NAV2: variants seen among roughly 807,000 people sequenced by gnomAD.
NAV2 encodes the protein helicase, APC down-regulated 1.
NAV2 carries 54 observed loss-of-function variants against 223.2 expected under a neutral mutation model. That is an observed-to-expected ratio of 0.24 (90% CI 0.19 to 0.30). The LOEUF (loss-of-function observed/expected upper bound fraction) is 0.30. Among genes scored for constraint, NAV2 ranks in the 10% least tolerant of loss-of-function variants. NAV2 has a pLI of 1.00. For synonymous variants in NAV2, 1,279 were observed against 1,239.3 expected (o/e 1.03, Z -0.67); for missense variants, 2,806 against 3,147.5 (o/e 0.89, Z 2.60).
At chr11:19,452,146 G>A (rs1851811239) in intron 1 of NAV2, among the ~76,000 whole-genome samples, 1 of 121,484 alleles carries the variant, frequency 8.2e-6, no homozygotes, top group Non-Finnish European at 1.8e-5. Flanking sequence ...GTGTGTGTGT[G>A]TGTGTAAAGA....
At chr11:19,580,964 A>G (rs577376927) in intron 1 of NAV2, among the ~76,000 whole-genome samples, 15 of 152,308 alleles carry the variant, frequency 9.8e-5, no homozygotes, top group Admixed American at 9.8e-4. Context: ...ATTTTTCCTA[A>G]GCTGATGAAT....
At position 19,627,948 on chromosome 11, in the gene NAV2, A is replaced by G. The variant is rs561794283; in HGVS notation, c.76-204536A>G. On this transcript the variant is annotated intron_variant, in intron 1 of 37. Coordinates refer to the NAV2 transcript ENST00000360655. Reference sequence around the variant, plus strand: ...AAAAAAGAAGAAGAAGAAGAAGAAGAGATAATGATAATATCTGGCAGCCCA... The same window carrying G: ...AAAAAAGAAGAAGAAGAAGAAGAAGGGATAATGATAATATCTGGCAGCCCA... Among the ~76,000 whole-genome samples the G allele has an allele frequency of 1.2e-4, 18 of 150,958 alleles. No homozygotes were observed. In the South Asian group the frequency reaches 3.8e-3, roughly 32 times the overall value.
intron 11 of NAV2, among the ~76,000 whole-genome samples, chr11:20,020,200 G>A (rs1198532784): frequency 6.6e-6 from 1 of 152,160 alleles, no homozygotes; most frequent in Non-Finnish European, 1.5e-5. Flanking sequence ...ATTATGTACT[G>A]TATTCCAAGA....
At chr11:19,499,520 T>G (rs1450419060) in intron 1 of NAV2, among the ~76,000 whole-genome samples, 1 of 152,170 alleles carries the variant, frequency 6.6e-6, no homozygotes, top group Non-Finnish European at 1.5e-5. Flanking sequence ...GTTGAGTCAG[T>G]GAAGGAATGC....
intron 1 of NAV2, among the ~76,000 whole-genome samples, chr11:19,425,530 C>A (rs191274316): frequency 3.4e-4 from 52 of 152,304 alleles, no homozygotes; most frequent in African/African-American, 1.1e-3. Context: ...ATTAGAGGGG[C>A]ATGTAGCCAG....
chr11:20,118,099 G>A, intron 37 of NAV2, 34 bp from the exon 38 acceptor site: 2 of 1,572,604 alleles, frequency 1.3e-6, no homozygotes, highest in Non-Finnish European at 1.7e-6. Context: ...CAACTAGACA[G>A]AAAGCAGCTC....
intron 1 of NAV2, among the ~76,000 whole-genome samples, chr11:19,417,917 A>G (rs923038102): frequency 6.6e-6 from 1 of 152,154 alleles, no homozygotes; most frequent in Non-Finnish European, 1.5e-5. Context: ...GGAGTCGAAA[A>G]ACGAGAACAC....
At chr11:19,689,802 G>A (rs1184506483) in intron 1 of NAV2, among the ~76,000 whole-genome samples, 1 of 152,200 alleles carries the variant, frequency 6.6e-6, no homozygotes, top group Non-Finnish European at 1.5e-5. Flanking sequence ...CATGGACAGA[G>A]TGTCTTTCCA....
intron 5 of NAV2, among the ~76,000 whole-genome samples, chr11:19,884,716 C>T (rs548814393): frequency 6.6e-6 from 1 of 152,300 alleles, no homozygotes; most frequent in South Asian, 2.1e-4. Context: ...GATGAGTTTG[C>T]TTCCTGCTTC....
chr11:19,350,302 G>A (rs926566312), upstream of NAV2, among the ~76,000 whole-genome samples: 1 of 152,152 alleles, frequency 6.6e-6, no homozygotes, highest in African/African-American at 2.4e-5. Context: ...GCTCCAGATG[G>A]TGGGAAAGAC....
intron 28 of NAV2, 83 bp from the exon 29 acceptor site, chr11:20,093,016 T>C (rs748529191): frequency 7.4e-5 from 37 of 501,608 alleles, no homozygotes; most frequent in Non-Finnish European, 1.3e-4. Context: ...GTCCCGCTGC[T>C]GTGCCAACCT....
intron 1 of NAV2, among the ~76,000 whole-genome samples, chr11:19,744,566 A>AC (rs2053169290): frequency 6.6e-6 from 1 of 151,062 alleles, no homozygotes; most frequent in African/African-American, 2.4e-5. Flanking sequence ...ATATCTGTGG[A>AC]TTTTTTTTTT....
At chr11:19,523,345 G>C (rs956133779) in intron 1 of NAV2, among the ~76,000 whole-genome samples, 1 of 150,908 alleles carries the variant, frequency 6.6e-6, no homozygotes, top group African/African-American at 2.5e-5. Flanking sequence ...TGGGGCACAG[G>C]CTCTGGAGTC....
intron 1 of NAV2, among the ~76,000 whole-genome samples, chr11:19,502,196 C>A (rs2042983602): frequency 6.6e-6 from 1 of 152,112 alleles, no homozygotes; most frequent in African/African-American, 2.4e-5. Context: ...GTCTCAGGAA[C>A]AAAAATATCT....
chr11:19,786,746 A>G (rs1381915068), intron 1 of NAV2, among the ~76,000 whole-genome samples: 1 of 152,198 alleles, frequency 6.6e-6, no homozygotes, highest in Non-Finnish European at 1.5e-5. Flanking sequence ...TCTTCCCTAC[A>G]TAGCTCCCTA....
intron 1 of NAV2, among the ~76,000 whole-genome samples, chr11:19,389,671 G>GT (rs1483929529): frequency 6.6e-6 from 1 of 152,242 alleles, no homozygotes; most frequent in African/African-American, 2.4e-5. Context: ...GGTCGGTGCA[G>GT]TGTATGTATG....
intron 5 of NAV2, among the ~76,000 whole-genome samples, chr11:19,889,618 G>T (rs532909734): frequency 6.6e-6 from 1 of 152,296 alleles, no homozygotes; most frequent in African/African-American, 2.4e-5. Flanking sequence ...GCACAATGCT[G>T]CAGCCATTTG....
chr11:19,488,087 T>C (rs1019147502), intron 1 of NAV2, among the ~76,000 whole-genome samples: 3 of 152,124 alleles, frequency 2.0e-5, no homozygotes, highest in Non-Finnish European at 2.9e-5. Context: ...AAGATAAATA[T>C]CACATGCTGT....
intron 1 of NAV2, among the ~76,000 whole-genome samples, chr11:19,476,917 A>G (rs576683194): frequency 1.1e-4 from 16 of 151,918 alleles, no homozygotes; most frequent in African/African-American, 3.6e-4. Flanking sequence ...CCACCTTCCT[A>G]TGTGGTTTCC....
Sources: gnomAD v4.1 joint callset for allele counts (sites outside exome capture counted in the v4.1 genomes callset) on GRCh38, gnomAD v4.1.1 for gene constraint, MANE v1.5 for transcripts, NCBI Gene and HGNC (gene_info 2026-07-23, HGNC 2026-07-21) for gene names.